The following DSG2 variants were observed in gnomAD, a reference collection of about 807,000 sequenced individuals.
The protein encoded by DSG2 is desmoglein 2.
DSG2 carries 45 observed loss-of-function variants against 75.6 expected under a neutral mutation model. The observed-to-expected ratio is 0.60, with a 90% CI of 0.47 to 0.76. DSG2 has a LOEUF of 0.76. Ranked by LOEUF, DSG2 falls within the 30% of genes least tolerant of loss-of-function variation. The pLI is 0.00. For synonymous variants in DSG2, 429 were observed against 483.9 expected (o/e 0.89, Z 1.49); for missense variants, 1,267 against 1,357.4 (o/e 0.93, Z 1.05).
rs759420598 is a variant in DSG2, at chr18:31,542,629, T to C, written c.2111T>C (p.Ile704Thr). The change falls in exon 14 of 15, where the codon ATT becomes ACT. Residue 704 changes from isoleucine to threonine, a missense_variant. Coordinates refer to ENST00000261590, the MANE Select transcript of DSG2 (RefSeq NM_001943.5). ...ATGAAAGGAAGTAGCTCTGCTTCCA[T>C]TGTCAAAGGGCAACATGAGATGTCC... Reference protein sequence around the residue: ...ATMKGSSSASIVKGQHEMSEM... With the variant: ...ATMKGSSSASTVKGQHEMSEM... The C allele has an allele frequency of 3.7e-6, 6 of 1,614,064 alleles. No individual in the cohort carries two copies. The highest frequency in any genetic ancestry group is 2.2e-5 in the South Asian group (2 of 91,064).
chr18:31,498,504 A>G (rs1242610353), intron 1 of DSG2, among the ~76,000 whole-genome samples: 1 of 152,108 alleles, frequency 6.6e-6, no homozygotes, highest in Non-Finnish European at 1.5e-5. Context: ...TGGAGCCAGG[A>G]GAGTAAGTTG....
intron 1 of DSG2, among the ~76,000 whole-genome samples, chr18:31,500,696 A>G (rs1469714837): frequency 3.3e-5 from 5 of 152,182 alleles, no homozygotes; most frequent in Non-Finnish European, 7.3e-5. Flanking sequence ...AGGGAGACAC[A>G]CCAGAAGGTA....
At chr18:31,541,047 G>T in intron 12 of DSG2, 146 bp from the exon 13 acceptor site, 2 of 1,005,270 alleles carry the variant, frequency 2.0e-6, no homozygotes, top group Non-Finnish European at 3.0e-6. Context: ...TGGTAAGGTT[G>T]GATCAGGGTG....
chr18:31,521,917 C>T (rs1206877358), intron 5 of DSG2, among the ~76,000 whole-genome samples, 166 bp from the exon 6 acceptor site: 1 of 152,168 alleles, frequency 6.6e-6, no homozygotes, highest in Non-Finnish European at 1.5e-5. Flanking sequence ...ATATCCCATT[C>T]ACGCTTATGT....
At chr18:31,541,423 T>G (rs2073267462) in intron 13 of DSG2, 109 bp downstream of exon 13, 1 of 1,383,780 alleles carries the variant, frequency 7.2e-7, no homozygotes. Context: ...TCACTATGGA[T>G]TTCACTCATG....
Position 31,547,943 on chromosome 18 carries a change from T to C in DSG2, c.*1200T>C, listed in dbSNP as rs2073326639. 6.6e-6 allele frequency: 1 copy of C among 152,214 alleles called. No individual in the cohort carries two copies. Among genetic ancestry groups the C allele is most frequent in the Non-Finnish European group, 1.5e-5 (1 of 68,038 alleles). 9.4% of individuals were successfully genotyped at this position (152,214 alleles called of 1,614,324 possible). A position where few individuals can be genotyped will look rare whatever the true frequency, so the allele number is the denominator to read the frequency against. On this transcript the variant is annotated 3_prime_UTR_variant, in exon 15 of 15. Transcript: ENST00000261590. ...AGGCCTATTTCACTGCTGTGTAGCC[T>C]CAGTGCCTAACATGGGTGCCAAATA...
rs746115584 is a variant in DSG2 at position 31,536,450 on chromosome 18, A to T, written c.1651+21A>T. On this transcript the variant is annotated intron_variant, in intron 11 of 14. Coordinates refer to ENST00000261590, the MANE Select transcript of DSG2 (RefSeq NM_001943.5). ...AGAAAGTAAGCAAAATCACTGGACT[A>T]CATAGAAATCTAAATATTAAGCATG... 9.7e-5 allele frequency: 155 copies of T among 1,596,030 alleles called. 1 individual carries two copies. The highest frequency in any genetic ancestry group is 1.3e-4 in the Non-Finnish European group (151 of 1,167,960).
chr18:31,501,559 C>T (rs1293695065), intron 1 of DSG2, among the ~76,000 whole-genome samples: 1 of 152,188 alleles, frequency 6.6e-6, no homozygotes, highest in Non-Finnish European at 1.5e-5. Context: ...CTTCCAAGTG[C>T]ATACTGGTTT....
intron 1 of DSG2, among the ~76,000 whole-genome samples, chr18:31,507,253 G>A (rs2073043865): frequency 6.6e-6 from 1 of 152,180 alleles, no homozygotes; most frequent in African/African-American, 2.4e-5. Flanking sequence ...CAAAGGACAT[G>A]AGCTCATCCT....
chr18:31,503,816 G>A lies in DSG2; in HGVS notation c.45+5520G>A, dbSNP rs529545292. Among the ~76,000 whole-genome samples the A allele has an allele frequency of 2.0e-5, 3 of 152,182 alleles. No homozygotes were observed. In the South Asian group the frequency reaches 6.2e-4, roughly 32 times the overall value. ...GATTGGTTTGGGAGCCAAAGGGGTGGGAAGGCATTTTGGTTGTCACAGTGC... is the reference window on the plus strand; with the variant it reads ...GATTGGTTTGGGAGCCAAAGGGGTGAGAAGGCATTTTGGTTGTCACAGTGC... On this transcript the variant is annotated intron_variant, in intron 1 of 14. Transcript: ENST00000261590.
chr18:31,530,805 A>G (rs1186409960), intron 8 of DSG2, among the ~76,000 whole-genome samples, 182 bp from the exon 9 acceptor site: 2 of 152,166 alleles, frequency 1.3e-5, no homozygotes, highest in African/African-American at 4.8e-5. Flanking sequence ...ATTTATGACT[A>G]TCCAGATTGA....
chr18:31,542,653 C>T lies in DSG2; in HGVS notation c.2135C>T (p.Ser712Phe), dbSNP rs1567933027. The T allele has an allele frequency of 1.2e-6, 2 of 1,614,090 alleles. No homozygotes were observed. The highest frequency in any genetic ancestry group is 1.7e-6 in the Non-Finnish European group (2 of 1,180,010). ...ATTGTCAAAGGGCAACATGAGATGT[C>T]CGAGATGGATGGAAGGTGGGAAGAA... ...ASIVKGQHEM[S>F]EMDGRWEEHR... is the part of the protein sequence containing the mutation. Residue 712 changes from serine (S) to phenylalanine (F), a missense_variant, in exon 14 of 15, where the codon TCC becomes TTC. Transcript: ENST00000261590.
rs1204055938 is a variant in DSG2 at position 31,498,248 on chromosome 18, T to TGCGATGGC, written c.1_8dup. The TGCGATGGC allele has an allele frequency of 1.4e-5, 17 of 1,256,064 alleles. No homozygotes were observed. Among genetic ancestry groups the TGCGATGGC allele is most frequent in the African/African-American group, 3.1e-5 (2 of 64,284 alleles). The allele number at this position is 1,256,064 out of a possible 1,614,324, so 77.8% of individuals were successfully genotyped here. On this transcript the variant is annotated 5_prime_UTR_variant, in exon 1 of 15. The change creates a new upstream start codon in the 5' untranslated region. Coordinates refer to ENST00000261590, the MANE Select transcript of DSG2 (RefSeq NM_001943.5). ...CGGCGGCGGGAGGCGGAGGCGAGGGTGCGATGGCGCGGAGCCCGGGACGCG... is the reference window on the plus strand; with the variant it reads ...CGGCGGCGGGAGGCGGAGGCGAGGGTGCGATGGCGCGATGGCGCGGAGCCCGGGACGCG...
intron 1 of DSG2, among the ~76,000 whole-genome samples, chr18:31,499,945 A>G (rs1050743936): frequency 2.6e-5 from 4 of 151,680 alleles, no homozygotes; most frequent in African/African-American, 9.7e-5. Context: ...AACTTTCTGC[A>G]GTATAAATTT....
chr18:31,542,384 A>C, intron 13 of DSG2, 136 bp from the exon 14 acceptor site: 1 of 866,832 alleles, frequency 1.2e-6, no homozygotes, highest in Non-Finnish European at 1.9e-6. Flanking sequence ...TATTCAACTC[A>C]AAATACTTTT....
chr18:31,546,675 A>G lies in DSG2; in HGVS notation c.3289A>G (p.Asn1097Asp), dbSNP rs2073314073. ...TGGTTTAGAGGAATCTGGTCATTCT[A>G]ATTCTACCATAACCACATCTTCCAC... ...DFGLEESGHSNSTITTSSTRV... is the reference protein window; with the variant it reads ...DFGLEESGHSDSTITTSSTRV... Residue 1097 changes from asparagine to aspartate, a missense_variant, in exon 15 of 15, where the codon AAT (asparagine) becomes GAT (aspartate). Asn to Asp is a conservative substitution (Grantham distance 23, BLOSUM62 1). Coordinates refer to ENST00000261590, the MANE Select transcript of DSG2 (RefSeq NM_001943.5). 1 of 1,614,190 alleles carries G rather than the reference A, an allele frequency of 6.2e-7. No individual in the cohort carries two copies. Among genetic ancestry groups the G allele is most frequent in the East Asian group, 2.2e-5 (1 of 44,880 alleles).
Position 31,519,897 on chromosome 18 carries a change from G to A in DSG2, c.176G>A (p.Arg59Gln), listed in dbSNP as rs768794560. The change falls in exon 3 of 15, where the codon CGG becomes CAG. Residue 59 changes from arginine to glutamine, a missense_variant. Arg to Gln is a conservative substitution (Grantham distance 43). Transcript: ENST00000261590. The part of the protein sequence containing the change: ...RAWITAPVAL[R>Q]EGEDLSKKNP... ...TGGATCACCGCCCCCGTGGCTCTTC[G>A]GGAGGGAGAGGATCTGTCCAAGAAG... 7.4e-6 allele frequency: 12 copies of A among 1,614,094 alleles called. No homozygotes were observed. Among genetic ancestry groups the A allele is most frequent in the Middle Eastern group, 1.6e-4 (1 of 6,062 alleles).
chr18:31,541,866 C>A (rs73954610), intron 13 of DSG2, among the ~76,000 whole-genome samples: 3,250 of 152,220 alleles, frequency 0.021, 98 homozygotes, highest in African/African-American at 0.067. Flanking sequence ...GTGGCTTAAT[C>A]CTAAAATGGG....
At position 31,535,254 on chromosome 18, in the gene DSG2, G is replaced by A; in HGVS notation, c.1281-16G>A. 2.0e-6 allele frequency: 3 copies of A among 1,535,036 alleles called. No homozygotes were observed. The highest frequency in any genetic ancestry group is 1.1e-5 in the South Asian group (1 of 88,024). On this transcript the variant is annotated splice_polypyrimidine_tract_variant and intron_variant, in intron 9 of 14. Coordinates refer to ENST00000261590, the MANE Select transcript of DSG2 (RefSeq NM_001943.5). ...ATGCAGAATTCAAAATTAATTTTAT[G>A]TTTGTTTTATGACAGATATGTAAAA...
Sources: allele counts gnomAD v4.1 joint callset (sites outside exome capture counted in the v4.1 genomes callset), GRCh38; gene constraint gnomAD v4.1.1; transcripts MANE v1.5; gene names NCBI Gene and HGNC (gene_info 2026-07-23, HGNC 2026-07-21).